Variants in C11orf54 observed in about 807,000 individuals in gnomAD.
C11orf54 encodes beta-keto-L-gulonate decarboxylase.
C11orf54 carries 29 observed loss-of-function variants against 35.5 expected under a neutral mutation model. That is an observed-to-expected ratio of 0.82 (90% CI 0.61 to 1.11). The LOEUF (loss-of-function observed/expected upper bound fraction) is 1.11. C11orf54 is among the 50% of genes most tolerant of loss of function. C11orf54 has a pLI of 0.00. For missense variants in C11orf54, 373 were observed against 369.2 expected, an observed-to-expected ratio of 1.01 and a Z score of -0.08; for synonymous variants, 108 against 121.1, an observed-to-expected ratio of 0.89 and a Z score of 0.71.
Position 93,756,489 on chromosome 11 carries a change from TAA to T in C11orf54, c.508-812_508-811del, listed in dbSNP as rs5793655. ...ACCTAGGTGACAGCAAGACCTGTCT[TAA>T]AAAAAAAAAAAAAAGACTACTTAGT... is the stretch of plus-strand genomic sequence containing the variant. On this transcript the variant is annotated intron_variant, in intron 6 of 8. Coordinates refer to ENST00000354421, the MANE Select transcript of C11orf54 (RefSeq NM_001286069.2). Among the ~76,000 whole-genome samples the T allele has an allele frequency of 6.3e-3, 864 of 137,156 alleles. 5 individuals carry two copies. The highest frequency in any genetic ancestry group is 0.021 in the Middle Eastern group (6 of 280). 90.0% of individuals were successfully genotyped at this position (137,156 alleles called of 152,430 possible). A position where few individuals can be genotyped will look rare whatever the true frequency, so the allele number is the denominator to read the frequency against.
Position 93,764,406 on chromosome 11 carries a change from T to C in C11orf54, c.*2718T>C, listed in dbSNP as rs1008773389. 2 of 151,974 alleles carry C rather than the reference T, an allele frequency of 1.3e-5. No individual in the cohort carries two copies. Among genetic ancestry groups the C allele is most frequent in the Non-Finnish European group, 1.5e-5 (1 of 68,018 alleles). 9.4% of individuals were successfully genotyped at this position (151,974 alleles called of 1,614,324 possible). On this transcript the variant is annotated 3_prime_UTR_variant, in exon 9 of 9. Transcript: ENST00000354421. ...CAGGTACACATGACCTTCCAAGGGG[T>C]GTGGGAATATTAGAACATCTATTTA...
intron 1 of C11orf54, chr11:93,745,758 G>C (rs1942428522): frequency 6.6e-6 from 1 of 152,328 alleles, no homozygotes; most frequent in Non-Finnish European, 1.5e-5. Context: ...GAGGCAAGTG[G>C]ATTGCTTGAG....
chr11:93,745,146 TCGG>T (rs1942387483), intron 1 of C11orf54, among the ~76,000 whole-genome samples: 1 of 152,162 alleles, frequency 6.6e-6, no homozygotes, highest in Non-Finnish European at 1.5e-5. Flanking sequence ...GAACGAATAG[TCGG>T]CTTTACACGG....
At chr11:93,755,178 A>G (rs530019873) in intron 5 of C11orf54, 32 bp from the exon 6 acceptor site, 2 of 1,601,514 alleles carry the variant, frequency 1.2e-6, no homozygotes, top group African/African-American at 2.7e-5. Flanking sequence ...CAGAGATACA[A>G]AGATTGACTA....
chr11:93,750,193 G>A (rs1942738033), intron 2 of C11orf54, among the ~76,000 whole-genome samples, 153 bp from the exon 3 acceptor site: 1 of 152,116 alleles, frequency 6.6e-6, no homozygotes, highest in Non-Finnish European at 1.5e-5. Flanking sequence ...TATGTCTAAT[G>A]TCTAATTATA....
chr11:93,759,615 T>C (rs1804254139), intron 7 of C11orf54, 127 bp from the exon 8 acceptor site: 1 of 390,524 alleles, frequency 2.6e-6, no homozygotes, highest in African/African-American at 2.1e-5. Context: ...CTGCATGTTC[T>C]ACACATGTAA....
chr11:93,742,187 C>T (rs983564552), intron 1 of C11orf54: 1 of 152,728 alleles, frequency 6.5e-6, no homozygotes, highest in African/African-American at 2.4e-5. Context: ...CCTCCTACAT[C>T]CCCCCTGCCC....
At chr11:93,743,724 A>C (rs867012375) in intron 1 of C11orf54, among the ~76,000 whole-genome samples, 17 of 152,338 alleles carry the variant, frequency 1.1e-4, no homozygotes, top group Middle Eastern at 3.4e-3. Context: ...GAACGTCTGC[A>C]CAGTGTCTAA....
chr11:93,752,746 G>GTTTTTTT (rs71064779), intron 3 of C11orf54, among the ~76,000 whole-genome samples: 2 of 103,896 alleles, frequency 1.9e-5, no homozygotes, highest in Non-Finnish European at 3.8e-5. Context: ...ATCTCTCTGG[G>GTTTTTTT]TTTTTTTTTT....
chr11:93,755,390 A>G lies in C11orf54; in HGVS notation c.507+4A>G. On this transcript the variant is annotated splice_donor_region_variant and intron_variant, in intron 6 of 8. Coordinates refer to ENST00000354421, the MANE Select transcript of C11orf54 (RefSeq NM_001286069.2). Reference sequence around the variant, plus strand: ...CAGTGAAGGCCAACCTGGCAAGGTGATTGTGTCCATAAAAATACAATATTC... The same window carrying G: ...CAGTGAAGGCCAACCTGGCAAGGTGGTTGTGTCCATAAAAATACAATATTC... 3 of 1,612,380 alleles carry G rather than the reference A, an allele frequency of 1.9e-6. No individual in the cohort carries two copies. The highest frequency in any genetic ancestry group is 2.5e-6 in the Non-Finnish European group (3 of 1,178,652).
chr11:93,744,930 GAGA>G (rs1233083918), intron 1 of C11orf54, among the ~76,000 whole-genome samples: 1 of 152,186 alleles, frequency 6.6e-6, no homozygotes, highest in East Asian at 1.9e-4. Flanking sequence ...TGATGGTGGG[GAGA>G]AGGTCAGCAG....
chr11:93,763,044 T>C lies in C11orf54; in HGVS notation c.*1356T>C, dbSNP rs528035923. The C allele has an allele frequency of 5.8e-4, 89 of 152,368 alleles. No homozygotes were observed. The highest frequency in any genetic ancestry group is 1.9e-3 in the African/African-American group (78 of 41,592). The allele number at this position is 152,368 out of a possible 1,614,324, so 9.4% of individuals were successfully genotyped here. On this transcript the variant is annotated 3_prime_UTR_variant, in exon 9 of 9. Coordinates refer to ENST00000354421, the MANE Select transcript of C11orf54 (RefSeq NM_001286069.2). ...GAGTATAAATTCCAATTTTAAGCACTATTTTGATGCAAAAAAATGAATAAA... is the reference window on the plus strand; with the variant it reads ...GAGTATAAATTCCAATTTTAAGCACCATTTTGATGCAAAAAAATGAATAAA...
At chr11:93,747,646 G>GTCTC (rs386374512) in intron 2 of C11orf54, among the ~76,000 whole-genome samples, 198 bp downstream of exon 2, 2 of 151,050 alleles carry the variant, frequency 1.3e-5, no homozygotes, top group Non-Finnish European at 2.9e-5. Context: ...TCCAAATTCT[G>GTCTC]TCTAAAAAAA....
chr11:93,750,367 A>T lies in C11orf54; in HGVS notation c.77A>T (p.Asp26Val), dbSNP rs776270469. Residue 26 changes from aspartate to valine, a missense_variant, in exon 3 of 9, where the codon GAT (aspartate) becomes GTT (valine). Physicochemically the swap from Asp to Val is radical, Grantham distance 152. Coordinates refer to ENST00000354421, the MANE Select transcript of C11orf54 (RefSeq NM_001286069.2). ...LAGVMQKGLKDNFADVQVSVV... is the reference protein window; with the variant it reads ...LAGVMQKGLKVNFADVQVSVV... ...TTAGTTATGCAGAAGGGGTTAAAAG[A>T]TAACTTTGCTGATGTCCAGGTCTCT... 2 of 1,613,754 alleles carry T rather than the reference A, an allele frequency of 1.2e-6. No homozygotes were observed. The highest frequency in any genetic ancestry group is 1.7e-6 in the Non-Finnish European group (2 of 1,179,772).
intron 3 of C11orf54, among the ~76,000 whole-genome samples, chr11:93,752,968 G>T (rs142158645): frequency 6.6e-6 from 1 of 151,784 alleles, no homozygotes; most frequent in South Asian, 2.1e-4. Context: ...GGATGGTCGC[G>T]ATCTCCTGAC....
chr11:93,747,305 C>T lies in C11orf54; in HGVS notation c.-89C>T, dbSNP rs1942523979. On this transcript the variant is annotated 5_prime_UTR_variant, in exon 2 of 9. Coordinates refer to ENST00000354421, the MANE Select transcript of C11orf54 (RefSeq NM_001286069.2). ...TCAATGTTCATTTCCAGAACAGAAA[C>T]TGTTCATACTTGGTGCGCTGTGGAC... is the stretch of plus-strand genomic sequence containing the variant. 6 of 954,448 alleles carry T rather than the reference C, an allele frequency of 6.3e-6. No homozygotes were observed. Among genetic ancestry groups the T allele is most frequent in the Non-Finnish European group, 6.2e-6 (4 of 648,972 alleles). 59.1% of individuals were successfully genotyped at this position (954,448 alleles called of 1,614,324 possible). A position where few individuals can be genotyped will look rare whatever the true frequency, so the allele number is the denominator to read the frequency against.
At chr11:93,755,613 G>A (rs897673811) in intron 6 of C11orf54, among the ~76,000 whole-genome samples, 1 of 151,950 alleles carries the variant, frequency 6.6e-6, no homozygotes, top group Non-Finnish European at 1.5e-5. Flanking sequence ...TTAGCAGGGT[G>A]TGGTGGTGTG....
chr11:93,744,657 G>A (rs920120589), intron 1 of C11orf54, among the ~76,000 whole-genome samples: 1 of 152,218 alleles, frequency 6.6e-6, no homozygotes, highest in African/African-American at 2.4e-5. Flanking sequence ...AAGTTAAACT[G>A]TCTCATTCCT....
At chr11:93,745,558 A>G (rs1942416321) in intron 1 of C11orf54, among the ~76,000 whole-genome samples, 1 of 152,238 alleles carries the variant, frequency 6.6e-6, no homozygotes, top group Non-Finnish European at 1.5e-5. Context: ...ATCTCAAAGC[A>G]AAACAATTTT....
Sources: allele counts gnomAD v4.1 joint callset (sites outside exome capture counted in the v4.1 genomes callset), GRCh38; gene constraint gnomAD v4.1.1; transcripts MANE v1.5; gene names NCBI Gene and HGNC (gene_info 2026-07-23, HGNC 2026-07-21).